MCTP1: variants seen among roughly 807,000 people sequenced by gnomAD.
MCTP1 encodes the protein multiple C2 and transmembrane domain containing 1, also known as multiple C2 and transmembrane domain-containing protein 1.
Under a neutral mutation model 120.6 loss-of-function variants are expected in MCTP1, and 69 were observed. The ratio of observed to expected loss-of-function variants is 0.57; its 90% CI spans 0.47 to 0.70. The LOEUF is 0.70. Ranked by LOEUF, MCTP1 falls within the 30% of genes least tolerant of loss-of-function variation. The pLI is 0.00. For synonymous variants in MCTP1, 529 were observed against 493.1 expected, an observed-to-expected ratio of 1.07 and a Z score of -0.96; for missense variants, 1,203 against 1,248.8, an observed-to-expected ratio of 0.96 and a Z score of 0.55.
intron 11 of MCTP1, among the ~76,000 whole-genome samples, chr5:94,893,895 A>G (rs565975505): frequency 1.8e-4 from 27 of 152,312 alleles, no homozygotes; most frequent in South Asian, 4.1e-4. Flanking sequence ...TCCCAGCTTC[A>G]TGGGTACTAA....
At chr5:94,999,886 C>A (rs1000258891) in intron 2 of MCTP1, among the ~76,000 whole-genome samples, 1 of 152,128 alleles carries the variant, frequency 6.6e-6, no homozygotes, top group African/African-American at 2.4e-5. Flanking sequence ...TATAGATAAA[C>A]ACTGGAGAAG....
chr5:95,114,205 C>T (rs1237264296), intron 1 of MCTP1, among the ~76,000 whole-genome samples: 3 of 152,206 alleles, frequency 2.0e-5, no homozygotes, highest in African/African-American at 7.2e-5. Flanking sequence ...AGACTAAGCA[C>T]ATTCTCAGCT....
At position 94,704,953 on chromosome 5, in the gene MCTP1, T is replaced by C. The variant is rs1047550550; in HGVS notation, c.*2543A>G. On this transcript the variant is annotated 3_prime_UTR_variant, in exon 23 of 23. Coordinates refer to ENST00000515393, the MANE Select transcript of MCTP1 (RefSeq NM_024717.7). ...GTTCTTTTTGATAAGTGGGGAAAAA[T>C]TTAAAAGCACAAATACGCATTTCTT... 1 of 151,110 alleles carries C rather than the reference T, an allele frequency of 6.6e-6. No individual in the cohort carries two copies. Among genetic ancestry groups the C allele is most frequent in the African/African-American group, 2.4e-5 (1 of 41,262 alleles). 9.4% of individuals were successfully genotyped at this position (151,110 alleles called of 1,614,324 possible). A position where few individuals can be genotyped will look rare whatever the true frequency, so the allele number is the denominator to read the frequency against.
intron 1 of MCTP1, among the ~76,000 whole-genome samples, chr5:95,156,682 T>TGCCAAC (rs1745163370): frequency 1.3e-5 from 2 of 152,192 alleles, no homozygotes; most frequent in African/African-American, 4.8e-5. Flanking sequence ...TCTAATTAGG[T>TGCCAAC]GCCAACTTAA....
chr5:94,958,330 T>C lies in MCTP1; in HGVS notation c.839-4969A>G, dbSNP rs576707938. Among the ~76,000 whole-genome samples the C allele has an allele frequency of 2.0e-5, 3 of 152,152 alleles. 1 individual carries two copies. The South Asian group carries it at 6.2e-4, about 32-fold the overall frequency. On this transcript the variant is annotated intron_variant, in intron 2 of 22. Coordinates refer to ENST00000515393, the MANE Select transcript of MCTP1 (RefSeq NM_024717.7). ...AAGAGAAAGCAGGAAAAATCTAAAA[T>C]TGACGCCCTAACATCACAATTAAGA... is the stretch of plus-strand genomic sequence containing the variant.
chr5:95,166,567 C>T (rs1456915648), intron 1 of MCTP1, among the ~76,000 whole-genome samples: 2 of 117,470 alleles, frequency 1.7e-5, no homozygotes, highest in African/African-American at 2.9e-5. Flanking sequence ...TAATTTTAAT[C>T]ATTTTTTTTT....
At position 94,708,451 on chromosome 5, in the gene MCTP1, C is replaced by T. The variant is rs1755470095; in HGVS notation, c.2928+61G>A. On this transcript the variant is annotated intron_variant, in intron 22 of 22. Coordinates refer to ENST00000515393, the MANE Select transcript of MCTP1 (RefSeq NM_024717.7). The stretch of plus-strand genomic sequence containing the variant: ...CTTTGAAATTAGAAGGATATAAAAG[C>T]TAAAACCCCATGCCACACTACATTA... 3.9e-6 allele frequency: 4 copies of T among 1,038,952 alleles called. 1 individual carries two copies. The South Asian group carries it at 5.5e-5, about 14-fold the overall frequency. 64.4% of individuals were successfully genotyped at this position (1,038,952 alleles called of 1,614,324 possible). A position where few individuals can be genotyped will look rare whatever the true frequency, so the allele number is the denominator to read the frequency against.
At chr5:94,731,074 T>A (rs1763035712) in intron 19 of MCTP1, among the ~76,000 whole-genome samples, 1 of 152,212 alleles carries the variant, frequency 6.6e-6, no homozygotes, top group Non-Finnish European at 1.5e-5. Context: ...GTGATCTTAC[T>A]TTCACTTCTT....
chr5:95,159,364 T>C (rs1015387656), intron 1 of MCTP1, among the ~76,000 whole-genome samples: 3 of 152,228 alleles, frequency 2.0e-5, no homozygotes, highest in Admixed American at 6.5e-5. Flanking sequence ...CTCTTTTCAT[T>C]CATTTATTCT....
At chr5:94,950,106 G>A (rs951956570) in intron 3 of MCTP1, among the ~76,000 whole-genome samples, 19 of 151,656 alleles carry the variant, frequency 1.3e-4, no homozygotes, top group Admixed American at 1.2e-3. Flanking sequence ...AAAAAAAATA[G>A]GAAAGCATTT....
rs544991804 is a variant in MCTP1 at position 94,969,592 on chromosome 5, A to G, written c.839-16231T>C. 8.4e-4 allele frequency among the ~76,000 whole-genome samples: 128 copies of G among 152,224 alleles called. 1 individual carries two copies. The highest frequency in any genetic ancestry group is 3.4e-3 in the Middle Eastern group (1 of 294). On this transcript the variant is annotated intron_variant, in intron 2 of 22. Transcript: ENST00000515393. ...AATTGCAACTCAGTGTCACAAGAAG[A>G]AGGAGGAGGAGGAATAAGAAAAAAG...
chr5:94,775,945 A>T (rs1228334923), intron 19 of MCTP1, among the ~76,000 whole-genome samples: 1 of 146,124 alleles, frequency 6.8e-6, no homozygotes, highest in African/African-American at 2.5e-5. Flanking sequence ...ATTAATATAT[A>T]TTATAGAAAT....
chr5:95,088,433 A>G (rs1412701122), intron 1 of MCTP1, among the ~76,000 whole-genome samples: 2 of 152,252 alleles, frequency 1.3e-5, no homozygotes, highest in Non-Finnish European at 2.9e-5. Context: ...GTTTGTAATC[A>G]TTGGCACCAT....
In MCTP1 at chr5:94,799,017, T is replaced by A. The variant is rs1258245389; in HGVS notation, c.2552A>T (p.Asp851Val). ...AGTAAGAGAGTAGAGACTTACTGTATCACGTTGCCTGTTATCTTTCCCTGA... is the reference window on the plus strand; with the variant it reads ...AGTAAGAGAGTAGAGACTTACTGTAACACGTTGCCTGTTATCTTTCCCTGA... Reference protein sequence around the residue: ...IISGKDNRQRDTVVEDMLEDE... With the variant: ...IISGKDNRQRVTVVEDMLEDE... The change falls in exon 18 of 23, where the codon GAT (aspartate) becomes GTT (valine). Residue 851 changes from aspartate (D) to valine (V), a missense_variant. Transcript: ENST00000515393. 1.9e-6 allele frequency: 3 copies of A among 1,610,856 alleles called. No individual in the cohort carries two copies. Among genetic ancestry groups the A allele is most frequent in the Non-Finnish European group, 2.5e-6 (3 of 1,178,282 alleles).
chr5:94,812,507 C>A (rs971957716), intron 17 of MCTP1, among the ~76,000 whole-genome samples: 26 of 131,760 alleles, frequency 2.0e-4, no homozygotes, highest in Non-Finnish European at 2.9e-4. Context: ...AAAAAAAAAA[C>A]CCTTCTACAT....
At chr5:95,104,821 T>C (rs1172989057) in intron 1 of MCTP1, among the ~76,000 whole-genome samples, 1 of 152,208 alleles carries the variant, frequency 6.6e-6, no homozygotes, top group Non-Finnish European at 1.5e-5. Flanking sequence ...AAAGCCATCA[T>C]CTTCAACACT....
chr5:95,212,223 C>A (rs189585407), intron 1 of MCTP1, among the ~76,000 whole-genome samples: 9 of 152,094 alleles, frequency 5.9e-5, no homozygotes, highest in East Asian at 3.9e-4. Context: ...CTACCATCAG[C>A]GAATACTACA....
chr5:95,213,709 A>G (rs201601052), intron 1 of MCTP1, among the ~76,000 whole-genome samples: 32,334 of 100,132 alleles, frequency 0.32, 3,026 homozygotes, highest in Non-Finnish European at 0.35. Context: ...AAATAATGCC[A>G]CATATCTACA....
chr5:94,848,305 TCA>T (rs1792934439), intron 17 of MCTP1, among the ~76,000 whole-genome samples: 1 of 152,146 alleles, frequency 6.6e-6, no homozygotes, highest in South Asian at 2.1e-4. Context: ...AGCTTTCTTG[TCA>T]CAGTGTCTGC....
Sources: allele counts gnomAD v4.1 joint callset (sites outside exome capture counted in the v4.1 genomes callset), GRCh38; gene constraint gnomAD v4.1.1; transcripts MANE v1.5; gene names NCBI Gene and HGNC (gene_info 2026-07-23, HGNC 2026-07-21).